Variants in PDE10A observed in about 807,000 individuals in gnomAD.
PDE10A encodes phosphodiesterase 10A.
PDE10A carries 39 observed loss-of-function variants against 97.7 expected under a neutral mutation model. That is an observed-to-expected ratio of 0.40 (90% CI 0.31 to 0.52). The LOEUF is 0.52. PDE10A is among the 20% of genes least tolerant of loss of function. PDE10A has a pLI of 0.56. For missense variants in PDE10A, 731 were observed against 1,047.8 expected (o/e 0.70, Z 4.17); for synonymous variants, 371 against 376.8 (o/e 0.98, Z 0.18).
At chr6:165,504,202 T>C (rs1781061889) in intron 2 of PDE10A, among the ~76,000 whole-genome samples, 2 of 152,234 alleles carry the variant, frequency 1.3e-5, no homozygotes, top group Non-Finnish European at 2.9e-5. Context: ...AATATTATTT[T>C]GGAAAATTTG....
At chr6:165,806,042 T>TAAAAAAAA (rs67104260) in intron 1 of PDE10A, among the ~76,000 whole-genome samples, 3 of 73,140 alleles carry the variant, frequency 4.1e-5, no homozygotes, top group Admixed American at 1.8e-4. Context: ...GCTTGATTAT[T>TAAAAAAAA]AAAAAAAAAA....
chr6:165,355,368 G>A (rs531725411), intron 18 of PDE10A, among the ~76,000 whole-genome samples: 7 of 152,118 alleles, frequency 4.6e-5, no homozygotes, highest in Admixed American at 3.3e-4. Context: ...GTCCCTCATC[G>A]AACCCCAGCA....
At chr6:165,485,276 G>A (rs540951023) in intron 2 of PDE10A, among the ~76,000 whole-genome samples, 2 of 151,984 alleles carry the variant, frequency 1.3e-5, no homozygotes, top group East Asian at 2.0e-4. Context: ...AGACCATCCC[G>A]GCTAACACAG....
rs551395409 is a variant in PDE10A, at chr6:165,444,948, T to C, written c.1194+3980A>G. ...TGATAGGGACAGAAAATTTTCTCAGTCTATTTGTGTTTTATTATAATTTTG... is the reference window on the plus strand; with the variant it reads ...TGATAGGGACAGAAAATTTTCTCAGCCTATTTGTGTTTTATTATAATTTTG... On this transcript the variant is annotated intron_variant, in intron 5 of 21. Transcript: ENST00000539869. 3.3e-5 allele frequency among the ~76,000 whole-genome samples: 5 copies of C among 152,102 alleles called. No individual in the cohort carries two copies. In the East Asian group the frequency reaches 9.7e-4, roughly 29 times the overall value.
chr6:165,431,050 G>A (rs928073918), intron 8 of PDE10A, among the ~76,000 whole-genome samples: 3 of 152,068 alleles, frequency 2.0e-5, no homozygotes, highest in African/African-American at 7.2e-5. Flanking sequence ...AGATCACTTA[G>A]AGGAAAATTT....
intron 5 of PDE10A, among the ~76,000 whole-genome samples, chr6:165,436,619 G>A (rs889838952): frequency 1.3e-5 from 2 of 152,094 alleles, no homozygotes; most frequent in Admixed American, 1.3e-4. Flanking sequence ...TAAGTACGAT[G>A]CATGTGAAAA....
chr6:165,892,416 C>T (rs1314410322), intron 1 of PDE10A, among the ~76,000 whole-genome samples: 4 of 152,254 alleles, frequency 2.6e-5, no homozygotes, highest in Non-Finnish European at 5.9e-5. Context: ...CAGGGCTGCT[C>T]CGCCCAGTGC....
chr6:165,949,868 A>C (rs1269641341), intron 1 of PDE10A: 1 of 152,252 alleles, frequency 6.6e-6, no homozygotes, highest in African/African-American at 2.4e-5. Flanking sequence ...CATGAGTTTC[A>C]ATATAATTCT....
At chr6:165,460,140 T>C (rs937712650) in intron 3 of PDE10A, among the ~76,000 whole-genome samples, 1 of 152,146 alleles carries the variant, frequency 6.6e-6, no homozygotes, top group African/African-American at 2.4e-5. Flanking sequence ...GCAGTAGATT[T>C]ATGCTGCAGA....
At chr6:165,986,100 C>G (rs1785199231) in intron 1 of PDE10A, 1 of 153,020 alleles carries the variant, frequency 6.5e-6, no homozygotes, top group Non-Finnish European at 1.5e-5. Flanking sequence ...CCCCTCCCCG[C>G]CCCCTACCTT....
At chr6:165,782,151 T>G (rs1436740019) in intron 1 of PDE10A, among the ~76,000 whole-genome samples, 1 of 152,234 alleles carries the variant, frequency 6.6e-6, no homozygotes, top group African/African-American at 2.4e-5. Context: ...AGTTTCTTAA[T>G]AGTTCAAAAT....
At chr6:165,398,478 ACT>A (rs61614769) in intron 13 of PDE10A, among the ~76,000 whole-genome samples, 23,408 of 139,052 alleles carry the variant, frequency 0.17, 2,301 homozygotes, top group African/African-American at 0.26. Flanking sequence ...ATAGAGCAAG[ACT>A]CTCTCTCTCT....
rs750396148 is a variant in PDE10A, at chr6:165,958,740, A to AAAG, written c.-615+28786_-615+28788dup. Reference sequence around the variant, plus strand: ...AGAAGAAAGAAAGAAAGAAAGAAAGAAAGAAAGAGAAAGAAAGAAAGAAAG... The same window carrying AAAG: ...AGAAGAAAGAAAGAAAGAAAGAAAGAAAGAAGAAAGAGAAAGAAAGAAAGAAAG... On this transcript the variant is annotated intron_variant, in intron 1 of 19. Transcript: ENST00000366882. Among the ~76,000 whole-genome samples the AAAG allele has an allele frequency of 6.0e-3, 89 of 14,886 alleles. 5 individuals carry two copies. The highest frequency in any genetic ancestry group is 0.024 in the African/African-American group (77 of 3,180). 9.8% of individuals were successfully genotyped at this position (14,886 alleles called of 152,430 possible).
intron 3 of PDE10A, among the ~76,000 whole-genome samples, chr6:165,454,033 G>A (rs367943376): frequency 1.3e-5 from 2 of 152,248 alleles, no homozygotes; most frequent in East Asian, 3.8e-4. Flanking sequence ...GACAAATTGA[G>A]TCAAAGAAGA....
intron 2 of PDE10A, among the ~76,000 whole-genome samples, chr6:165,491,905 AT>A (rs1294826587): frequency 6.6e-6 from 1 of 152,178 alleles, no homozygotes; most frequent in Admixed American, 6.5e-5. Context: ...AAATACAAAG[AT>A]AAATGAAACA....
At chr6:165,478,423 T>G (rs749752496) in intron 3 of PDE10A, among the ~76,000 whole-genome samples, 3 of 152,102 alleles carry the variant, frequency 2.0e-5, no homozygotes, top group Non-Finnish European at 4.4e-5. Context: ...GGGTTGGACA[T>G]GTCTCATTAC....
chr6:165,396,328 T>A lies in PDE10A; in HGVS notation c.2208A>T (p.Lys736Asn), dbSNP rs773723163. 1 of 1,612,952 alleles carries A rather than the reference T, an allele frequency of 6.2e-7. No individual in the cohort carries two copies. The highest frequency in any genetic ancestry group is 1.1e-5 in the South Asian group (1 of 90,870). The change falls in exon 14 of 22, where the codon AAA becomes AAT. Residue 736 changes from lysine to asparagine, a missense_variant. By Grantham distance (94) the Lys-to-Asn change is moderately conservative. Transcript: ENST00000539869. Reference protein sequence around the residue: ...MQFTLPVRLCKEIELFHFDIG... With the variant: ...MQFTLPVRLCNEIELFHFDIG... ...AGCAACATACTTACAATTCAATTTC[T>A]TTGCAGAGACGCACGGGAAGGGTGA...
At chr6:165,851,248 T>C (rs1780564145) in intron 1 of PDE10A, among the ~76,000 whole-genome samples, 1 of 152,218 alleles carries the variant, frequency 6.6e-6, no homozygotes, top group Non-Finnish European at 1.5e-5. Flanking sequence ...TGATGACCCA[T>C]CACAATATAG....
chr6:165,971,132 A>T (rs1784657676), intron 1 of PDE10A, among the ~76,000 whole-genome samples: 1 of 142,032 alleles, frequency 7.0e-6, no homozygotes, highest in South Asian at 2.2e-4. Flanking sequence ...TAGGCAACAG[A>T]GGGAGACAAA....
Sources: gnomAD v4.1 joint callset for allele counts (sites outside exome capture counted in the v4.1 genomes callset) on GRCh38, gnomAD v4.1.1 for gene constraint, MANE v1.5 for transcripts, NCBI Gene and HGNC (gene_info 2026-07-23, HGNC 2026-07-21) for gene names.